The following DMRT1 variants were observed in gnomAD, a reference collection of about 807,000 sequenced individuals.
DMRT1 encodes doublesex and mab-3 related transcription factor 1.
A neutral mutation model predicts 32.3 loss-of-function variants in DMRT1; 7 were observed. That is an observed-to-expected ratio of 0.22 (90% CI 0.12 to 0.41). DMRT1 has a LOEUF of 0.41. Among genes scored for constraint, DMRT1 ranks in the 10% least tolerant of loss-of-function variants. The probability of loss-of-function intolerance (pLI) is 1.00; values close to 1 mark genes in which losing one functional copy is unlikely to be tolerated. For missense variants in DMRT1, 625 were observed against 500.5 expected (o/e 1.25, Z -2.37); for synonymous variants, 278 against 206.1 (o/e 1.35, Z -2.99).
At chr9:860,566 A>T (rs553010738) in intron 2 of DMRT1, among the ~76,000 whole-genome samples, 1 of 152,258 alleles carries the variant, frequency 6.6e-6, no homozygotes, top group Non-Finnish European at 1.5e-5. Flanking sequence ...ATAGCAGTGC[A>T]TATATCTCTC....
At chr9:949,238 T>C (rs1819350139) in intron 4 of DMRT1, among the ~76,000 whole-genome samples, 1 of 152,056 alleles carries the variant, frequency 6.6e-6, no homozygotes. Context: ...TGGTGACGTA[T>C]ACCTGTAGTC....
chr9:946,590 T>G (rs765399313), intron 4 of DMRT1, among the ~76,000 whole-genome samples: 14 of 152,156 alleles, frequency 9.2e-5, no homozygotes, highest in Non-Finnish European at 1.8e-4. Flanking sequence ...CCAATCAATC[T>G]CCACATAAAA....
intron 4 of DMRT1, among the ~76,000 whole-genome samples, chr9:966,528 T>C (rs1472558916): frequency 6.6e-6 from 1 of 152,210 alleles, no homozygotes; most frequent in African/African-American, 2.4e-5. Flanking sequence ...CTTTCCTTCT[T>C]GGATATTGAG....
chr9:863,408 G>C (rs946660415), intron 2 of DMRT1, among the ~76,000 whole-genome samples: 55 of 151,828 alleles, frequency 3.6e-4, no homozygotes, highest in Admixed American at 6.6e-4. Context: ...ACACAGGAGA[G>C]TTTCCAGGCT....
chr9:863,720 A>G (rs1022532633), intron 2 of DMRT1, among the ~76,000 whole-genome samples: 6 of 152,228 alleles, frequency 3.9e-5, no homozygotes, highest in African/African-American at 7.2e-5. Flanking sequence ...CATTTACGCC[A>G]CTAAATTTCT....
intron 2 of DMRT1, among the ~76,000 whole-genome samples, chr9:861,922 G>A (rs973184670): frequency 9.4e-5 from 14 of 148,970 alleles, no homozygotes; most frequent in African/African-American, 2.2e-4. Context: ...GGGCAGAGGC[G>A]CTCCCAACAT....
At chr9:951,312 C>G (rs945796479) in intron 4 of DMRT1, among the ~76,000 whole-genome samples, 1 of 152,174 alleles carries the variant, frequency 6.6e-6, no homozygotes, top group Non-Finnish European at 1.5e-5. Flanking sequence ...GAGATTAGCT[C>G]ACTGGTAAAT....
chr9:941,776 T>A (rs960986017), intron 4 of DMRT1, among the ~76,000 whole-genome samples: 5 of 152,206 alleles, frequency 3.3e-5, no homozygotes, highest in African/African-American at 9.7e-5. Context: ...AAGTATCTTT[T>A]TTGCATGTAT....
chr9:919,833 C>T (rs1818299175), intron 4 of DMRT1, among the ~76,000 whole-genome samples: 1 of 152,066 alleles, frequency 6.6e-6, no homozygotes, highest in Non-Finnish European at 1.5e-5. Context: ...TGGTCGAATT[C>T]TGGATATATT....
intron 3 of DMRT1, among the ~76,000 whole-genome samples, chr9:907,607 C>T (rs953296158): frequency 2.0e-5 from 3 of 152,174 alleles, no homozygotes; most frequent in South Asian, 2.1e-4. Context: ...CTGATTTATA[C>T]GTTGGTGTCT....
Position 885,364 on chromosome 9 carries a change from G to A in DMRT1, c.539-8548G>A, listed in dbSNP as rs1028656005. On this transcript the variant is annotated intron_variant, in intron 2 of 4. Coordinates refer to ENST00000382276, the MANE Select transcript of DMRT1 (RefSeq NM_021951.3). The stretch of plus-strand genomic sequence containing the variant: ...GAATGAGATCACATGTGGGCTTGGA[G>A]AATGAGTGTAAGGTTTTACTGAGTG... 5.8e-4 allele frequency among the ~76,000 whole-genome samples: 88 copies of A among 152,234 alleles called. 1 individual carries two copies. Among genetic ancestry groups the A allele is most frequent in the Non-Finnish European group, 2.2e-4 (15 of 68,034 alleles).
chr9:961,364 C>T (rs545357802), intron 4 of DMRT1, among the ~76,000 whole-genome samples: 1 of 152,314 alleles, frequency 6.6e-6, no homozygotes, highest in South Asian at 2.1e-4. Flanking sequence ...GAGACATTGA[C>T]ACCTGTGCCA....
chr9:920,794 C>G (rs1255672235), intron 4 of DMRT1, among the ~76,000 whole-genome samples: 1 of 152,078 alleles, frequency 6.6e-6, no homozygotes, highest in Non-Finnish European at 1.5e-5. Flanking sequence ...AGGGGTGACC[C>G]TGAGCAAGCC....
intron 3 of DMRT1, chr9:895,113 C>T (rs1817304805): frequency 6.6e-6 from 1 of 152,192 alleles, no homozygotes; most frequent in South Asian, 2.1e-4. Context: ...CCGTGTCCGG[C>T]CCCAAGTATG....
intron 4 of DMRT1, among the ~76,000 whole-genome samples, chr9:940,862 T>C (rs1371960745): frequency 2.0e-5 from 3 of 152,184 alleles, no homozygotes. Context: ...ACAACCCATT[T>C]CAAAAATGGC....
chr9:902,549 C>T (rs561205021), intron 3 of DMRT1, among the ~76,000 whole-genome samples: 1 of 151,106 alleles, frequency 6.6e-6, no homozygotes, highest in East Asian at 2.0e-4. Flanking sequence ...TACACCAATG[C>T]AGTTTCTCGG....
At chr9:872,286 C>T (rs1415769577) in intron 2 of DMRT1, among the ~76,000 whole-genome samples, 1 of 152,114 alleles carries the variant, frequency 6.6e-6, no homozygotes, top group African/African-American at 2.4e-5. Flanking sequence ...TGGTCTCGAA[C>T]TCCTGACCTT....
At chr9:955,766 A>T (rs1819580758) in intron 4 of DMRT1, among the ~76,000 whole-genome samples, 1 of 152,240 alleles carries the variant, frequency 6.6e-6, no homozygotes, top group African/African-American at 2.4e-5. Context: ...GCTGTCATTT[A>T]AAAAATAATC....
At chr9:964,688 A>G (rs1819877779) in intron 4 of DMRT1, among the ~76,000 whole-genome samples, 2 of 152,076 alleles carry the variant, frequency 1.3e-5, no homozygotes, top group African/African-American at 2.4e-5. Context: ...CAAGCACAAG[A>G]GCAGTACACT....
Sources: gnomAD v4.1 joint callset for allele counts (sites outside exome capture counted in the v4.1 genomes callset) on GRCh38, gnomAD v4.1.1 for gene constraint, MANE v1.5 for transcripts, NCBI Gene and HGNC (gene_info 2026-07-23, HGNC 2026-07-21) for gene names.